The following NOL4 variants were observed in gnomAD, a reference collection of about 807,000 sequenced individuals.
NOL4 encodes the protein cancer/testis antigen 125.
A neutral mutation model predicts 75.9 loss-of-function variants in NOL4; 17 were observed. The observed-to-expected ratio is 0.22, with a 90% CI of 0.15 to 0.34. The LOEUF is 0.34. Ranked by LOEUF, NOL4 falls within the 10% of genes least tolerant of loss-of-function variation. NOL4 has a pLI of 1.00. For missense variants in NOL4, 614 were observed against 793.5 expected (o/e 0.77, Z 2.72); for synonymous variants, 292 against 289.9 (o/e 1.01, Z -0.07).
At chr18:34,128,867 G>A in intron 2 of NOL4, 1 of 981,246 alleles carries the variant, frequency 1.0e-6, no homozygotes, top group Non-Finnish European at 1.2e-6. Flanking sequence ...GAAACTTTGA[G>A]CATTTCACAC....
At chr18:34,142,926 A>G (rs1309515482) in intron 1 of NOL4, among the ~76,000 whole-genome samples, 1 of 152,232 alleles carries the variant, frequency 6.6e-6, no homozygotes, top group East Asian at 1.9e-4. Context: ...AAAAATATTC[A>G]GGAAAAATAA....
intron 9 of NOL4, among the ~76,000 whole-genome samples, chr18:33,902,928 A>G (rs1488404338): frequency 6.6e-6 from 1 of 152,148 alleles, no homozygotes; most frequent in Non-Finnish European, 1.5e-5. Context: ...GTTTTTGATT[A>G]TCACATTTGG....
chr18:33,970,691 T>C (rs1390535867), intron 6 of NOL4, among the ~76,000 whole-genome samples: 3 of 152,046 alleles, frequency 2.0e-5, no homozygotes, highest in African/African-American at 7.2e-5. Context: ...TATATAGAAC[T>C]TTCGTTACTG....
At chr18:34,027,764 T>C (rs1352229397) in intron 5 of NOL4, among the ~76,000 whole-genome samples, 2 of 152,106 alleles carry the variant, frequency 1.3e-5, no homozygotes, top group Non-Finnish European at 1.5e-5. Flanking sequence ...CAAATGAAAA[T>C]ATAATTTTAA....
intron 10 of NOL4, among the ~76,000 whole-genome samples, chr18:33,859,195 T>C (rs2062976090): frequency 6.6e-6 from 1 of 152,140 alleles, no homozygotes; most frequent in African/African-American, 2.4e-5. Flanking sequence ...ATTAACTTTA[T>C]ATTTTTTTCT....
intron 1 of NOL4, among the ~76,000 whole-genome samples, chr18:34,150,961 AAG>A (rs1568397105): frequency 1.3e-5 from 2 of 151,830 alleles, no homozygotes; most frequent in African/African-American, 2.4e-5. Flanking sequence ...CACCTCACCA[AAG>A]AAGATGCTCG....
chr18:34,046,553 G>A (rs2076371730), intron 5 of NOL4, among the ~76,000 whole-genome samples: 1 of 140,044 alleles, frequency 7.1e-6, no homozygotes, highest in African/African-American at 2.7e-5. Context: ...CTTTGGTTAA[G>A]GTAGTAAATT....
chr18:34,199,337 T>G (rs902792490), intron 1 of NOL4, among the ~76,000 whole-genome samples: 7 of 151,674 alleles, frequency 4.6e-5, no homozygotes, highest in African/African-American at 1.7e-4. Context: ...AATCAGCATT[T>G]TAAGTAGATG....
intron 1 of NOL4, among the ~76,000 whole-genome samples, chr18:34,209,539 G>A (rs987408318): frequency 1.3e-5 from 2 of 152,072 alleles, no homozygotes; most frequent in African/African-American, 4.8e-5. Context: ...AGGTTATAGT[G>A]GACTCCCTAA....
At chr18:34,059,311 A>T (rs1333323073) in intron 5 of NOL4, among the ~76,000 whole-genome samples, 1 of 151,598 alleles carries the variant, frequency 6.6e-6, no homozygotes, top group Non-Finnish European at 1.5e-5. Context: ...AAGGATTTAT[A>T]CCTCACTCTC....
chr18:34,165,332 G>A (rs920918365), intron 1 of NOL4, among the ~76,000 whole-genome samples: 2 of 152,140 alleles, frequency 1.3e-5, no homozygotes, highest in Non-Finnish European at 2.9e-5. Flanking sequence ...GATGGGAAAT[G>A]ATCAGAACAC....
chr18:34,191,644 C>T (rs2034926228), intron 1 of NOL4, among the ~76,000 whole-genome samples: 1 of 152,028 alleles, frequency 6.6e-6, no homozygotes, highest in Admixed American at 6.5e-5. Flanking sequence ...CTTTTAATCT[C>T]TTTATTTATG....
At chr18:34,123,118 G>A (rs913301045) in intron 2 of NOL4, among the ~76,000 whole-genome samples, 14 of 147,332 alleles carry the variant, frequency 9.5e-5, no homozygotes, top group Admixed American at 8.1e-4. Flanking sequence ...AAGCTCTTAC[G>A]TCTTTTTTTT....
At chr18:34,194,973 G>T (rs937484421) in intron 1 of NOL4, among the ~76,000 whole-genome samples, 1 of 150,696 alleles carries the variant, frequency 6.6e-6, no homozygotes, top group East Asian at 2.0e-4. Context: ...GGGGTGAGCC[G>T]AGATCACGCC....
Position 34,117,103 on chromosome 18 carries a change from T to C in NOL4, c.415-11943A>G, listed in dbSNP as rs555541259. Among the ~76,000 whole-genome samples, 69 of 152,208 alleles carry C rather than the reference T, an allele frequency of 4.5e-4. 1 individual carries two copies. The highest frequency in any genetic ancestry group is 8.8e-4 in the Non-Finnish European group (60 of 68,026). On this transcript the variant is annotated intron_variant, in intron 2 of 10. Transcript: ENST00000261592. ...TCACCAAGCAATCTATGTCTGATTG[T>C]TTTCCATTAATTGAGTACTTAGTAA...
chr18:34,041,044 G>A (rs1328159253), intron 5 of NOL4, among the ~76,000 whole-genome samples: 1 of 151,886 alleles, frequency 6.6e-6, no homozygotes, highest in Non-Finnish European at 1.5e-5. Context: ...ATTATAAATT[G>A]AGTTTTCTAT....
At chr18:33,885,083 A>C (rs1482801554) in intron 9 of NOL4, among the ~76,000 whole-genome samples, 1 of 152,148 alleles carries the variant, frequency 6.6e-6, no homozygotes, top group Non-Finnish European at 1.5e-5. Flanking sequence ...ATAAGAAAAA[A>C]ATTGAAAGGA....
At chr18:34,094,555 C>A (rs939981401) in intron 4 of NOL4, among the ~76,000 whole-genome samples, 1 of 152,176 alleles carries the variant, frequency 6.6e-6, no homozygotes, top group African/African-American at 2.4e-5. Context: ...TTATTGCAGT[C>A]ATTTTTCTGA....
intron 1 of NOL4, among the ~76,000 whole-genome samples, chr18:34,184,062 G>T (rs1246417759): frequency 6.6e-6 from 1 of 151,616 alleles, no homozygotes; most frequent in Non-Finnish European, 1.5e-5. Flanking sequence ...CTATGCAAAT[G>T]AACCCCATCC....
Sources: gnomAD v4.1 joint callset for allele counts (sites outside exome capture counted in the v4.1 genomes callset) on GRCh38, gnomAD v4.1.1 for gene constraint, MANE v1.5 for transcripts, NCBI Gene and HGNC (gene_info 2026-07-23, HGNC 2026-07-21) for gene names.